PXDNL: variants seen among roughly 807,000 people sequenced by gnomAD.
The protein encoded by PXDNL is probable oxidoreductase PXDNL.
PXDNL carries 145 observed loss-of-function variants against 150.8 expected under a neutral mutation model. That is an observed-to-expected ratio of 0.96 (90% CI 0.84 to 1.10). The LOEUF is 1.10. PXDNL is among the 50% of genes least tolerant of loss of function. The probability of loss-of-function intolerance (pLI) is 0.00; values close to 1 mark genes in which losing one functional copy is unlikely to be tolerated. For missense variants in PXDNL, 2,087 were observed against 1,873.9 expected, an observed-to-expected ratio of 1.11 and a Z score of -2.10; for synonymous variants, 757 against 725.7, an observed-to-expected ratio of 1.04 and a Z score of -0.69.
chr8:51,705,747 G>A (rs1392583245), intron 1 of PXDNL, among the ~76,000 whole-genome samples: 2 of 152,280 alleles, frequency 1.3e-5, no homozygotes, highest in East Asian at 3.9e-4. Context: ...GTCAGCTACA[G>A]CATTCAGCTT....
chr8:51,643,768 G>T (rs963841863), intron 2 of PXDNL, among the ~76,000 whole-genome samples: 1 of 152,120 alleles, frequency 6.6e-6, no homozygotes, highest in Non-Finnish European at 1.5e-5. Context: ...CCTACAGAAT[G>T]GGAGAAAATT....
intron 1 of PXDNL, among the ~76,000 whole-genome samples, chr8:51,711,436 C>T (rs1470288707): frequency 6.6e-6 from 1 of 152,182 alleles, no homozygotes; most frequent in Non-Finnish European, 1.5e-5. Context: ...CCGGACCCAG[C>T]CGAAATTATC....
chr8:51,752,844 CT>C (rs2037059751), intron 1 of PXDNL, among the ~76,000 whole-genome samples: 1 of 152,220 alleles, frequency 6.6e-6, no homozygotes, highest in South Asian at 2.1e-4. Flanking sequence ...CTCTCAGCTC[CT>C]TGTGAATACT....
intron 1 of PXDNL, among the ~76,000 whole-genome samples, chr8:51,667,959 A>G (rs1815420560): frequency 6.6e-6 from 1 of 152,142 alleles, no homozygotes; most frequent in South Asian, 2.1e-4. Context: ...ATGTCAGCTG[A>G]CACTGAACTC....
At chr8:51,339,834 G>C in intron 20 of PXDNL, 81 bp from the exon 21 acceptor site, 1 of 1,440,402 alleles carries the variant, frequency 6.9e-7, no homozygotes, top group Non-Finnish European at 9.5e-7. Flanking sequence ...ATCTTCTTTG[G>C]TCATTTGGCA....
At chr8:51,649,011 T>A (rs570594628) in intron 2 of PXDNL, among the ~76,000 whole-genome samples, 1 of 152,216 alleles carries the variant, frequency 6.6e-6, no homozygotes, top group South Asian at 2.1e-4. Flanking sequence ...TTTCTTCTAC[T>A]AACAGGACAC....
chr8:51,738,921 C>T (rs537041785), intron 1 of PXDNL, among the ~76,000 whole-genome samples: 1,728 of 86,528 alleles, frequency 0.02, 11 homozygotes, highest in Non-Finnish European at 0.038. Context: ...CAAAATTAGT[C>T]GAAAATAGTA....
intron 12 of PXDNL, among the ~76,000 whole-genome samples, chr8:51,439,452 A>G (rs1809488826): frequency 6.6e-6 from 1 of 152,216 alleles, no homozygotes; most frequent in South Asian, 2.1e-4. Context: ...TATAGTGGAA[A>G]GGGAACACTT....
At chr8:51,668,806 AT>A (rs1381998718) in intron 1 of PXDNL, among the ~76,000 whole-genome samples, 2 of 152,284 alleles carry the variant, frequency 1.3e-5, no homozygotes, top group Admixed American at 1.3e-4. Flanking sequence ...ACTTTAACAT[AT>A]TTTTGTCAAT....
chr8:51,590,245 C>T (rs968001893), intron 3 of PXDNL, among the ~76,000 whole-genome samples: 1 of 152,008 alleles, frequency 6.6e-6, no homozygotes, highest in African/African-American at 2.4e-5. Flanking sequence ...GAGTAGGGCT[C>T]CCTTCACCTA....
At chr8:51,728,481 A>T (rs1205513103) in intron 1 of PXDNL, among the ~76,000 whole-genome samples, 1 of 152,186 alleles carries the variant, frequency 6.6e-6, no homozygotes, top group Non-Finnish European at 1.5e-5. Context: ...TTCTACTGGG[A>T]CAAGATACGG....
At chr8:51,522,625 C>G (rs1367261596) in intron 4 of PXDNL, among the ~76,000 whole-genome samples, 1 of 152,106 alleles carries the variant, frequency 6.6e-6, no homozygotes, top group Non-Finnish European at 1.5e-5. Context: ...GGGTGGATCA[C>G]CTGAGGTCAG....
chr8:51,532,053 T>C (rs1186238168), intron 4 of PXDNL, among the ~76,000 whole-genome samples: 1 of 134,746 alleles, frequency 7.4e-6, no homozygotes, highest in Non-Finnish European at 1.7e-5. Context: ...AGATCAAGAT[T>C]ATAAATTGAG....
chr8:51,617,974 G>A (rs963280209), intron 2 of PXDNL, among the ~76,000 whole-genome samples: 3 of 152,182 alleles, frequency 2.0e-5, no homozygotes, highest in Admixed American at 6.5e-5. Context: ...GCTCCAATAC[G>A]GGGATTTCCA....
At chr8:51,523,854 T>C (rs751014109) in intron 4 of PXDNL, among the ~76,000 whole-genome samples, 24 of 152,316 alleles carry the variant, frequency 1.6e-4, no homozygotes, top group Admixed American at 5.2e-4. Context: ...ATTTCTTTTT[T>C]AATCCCTGAA....
At chr8:51,548,537 CTCCTTAAACAAAATAA>C (rs1812413801) in intron 4 of PXDNL, among the ~76,000 whole-genome samples, 2 of 152,108 alleles carry the variant, frequency 1.3e-5, no homozygotes, top group Non-Finnish European at 2.9e-5. Context: ...TATCTTTAGC[CTCCTTAAACAAAATAA>C]TTGTTAGTCA....
chr8:51,545,269 G>A lies in PXDNL; in HGVS notation c.380+11571C>T, dbSNP rs1204019719. 3.9e-5 allele frequency among the ~76,000 whole-genome samples: 6 copies of A among 152,240 alleles called. No individual in the cohort carries two copies. In the East Asian group the frequency reaches 1.2e-3, roughly 29 times the overall value. Reference sequence around the variant, plus strand: ...TTATAAGCCATCTGTAAATACGTTTGATGAAAAACATCACAGTGATAAGGG... The same window carrying A: ...TTATAAGCCATCTGTAAATACGTTTAATGAAAAACATCACAGTGATAAGGG... On this transcript the variant is annotated intron_variant, in intron 4 of 22. Transcript: ENST00000356297.
At chr8:51,462,362 T>A (rs1416877955) in intron 8 of PXDNL, among the ~76,000 whole-genome samples, 2 of 152,130 alleles carry the variant, frequency 1.3e-5, no homozygotes, top group Non-Finnish European at 2.9e-5. Flanking sequence ...GGAAGCTCAA[T>A]GAGATAAGGA....
At chr8:51,482,857 G>A (rs565202003) in intron 6 of PXDNL, among the ~76,000 whole-genome samples, 10 of 152,170 alleles carry the variant, frequency 6.6e-5, no homozygotes, top group South Asian at 2.1e-4. Context: ...TCATGGGTAC[G>A]TCTTTATTAG....
Sources: allele counts gnomAD v4.1 joint callset (sites outside exome capture counted in the v4.1 genomes callset), GRCh38; gene constraint gnomAD v4.1.1; transcripts MANE v1.5; gene names NCBI Gene and HGNC (gene_info 2026-07-23, HGNC 2026-07-21).